APP: variants seen among roughly 807,000 people sequenced by gnomAD.
The protein encoded by APP is amyloid-beta precursor protein.
Under a neutral mutation model 101.4 loss-of-function variants are expected in APP, and 31 were observed. The ratio of observed to expected loss-of-function variants is 0.31; its 90% CI spans 0.23 to 0.41. APP has a LOEUF of 0.41. Ranked by LOEUF, APP falls within the 10% of genes least tolerant of loss-of-function variation. The probability of loss-of-function intolerance (pLI) is 1.00; values close to 1 mark genes in which losing one functional copy is unlikely to be tolerated. For synonymous variants in APP, 366 were observed against 364.4 expected (o/e 1.00, Z -0.05); for missense variants, 839 against 1,003.7 (o/e 0.84, Z 2.22).
At chr21:26,067,260 A>G (rs1423796002) in intron 3 of APP, among the ~76,000 whole-genome samples, 1 of 152,192 alleles carries the variant, frequency 6.6e-6, no homozygotes, top group African/African-American at 2.4e-5. Flanking sequence ...GACATTCTAC[A>G]TTTGTTTTTT....
chr21:26,129,351 A>C (rs2062746467), intron 1 of APP, among the ~76,000 whole-genome samples: 1 of 152,016 alleles, frequency 6.6e-6, no homozygotes, highest in African/African-American at 2.4e-5. Flanking sequence ...GCTGCCTGTA[A>C]TCCCAGCTAC....
chr21:25,894,824 T>C (rs57250872), intron 16 of APP, among the ~76,000 whole-genome samples: 11,548 of 152,274 alleles, frequency 0.076, 918 homozygotes, highest in African/African-American at 0.18. Flanking sequence ...TTGAAAGCTG[T>C]TCTACTGTGA....
intron 5 of APP, among the ~76,000 whole-genome samples, chr21:26,046,747 G>C (rs978556447): frequency 1.3e-5 from 2 of 152,096 alleles, no homozygotes; most frequent in Non-Finnish European, 2.9e-5. Context: ...CATTTCATTT[G>C]CTTTACGAAT....
intron 5 of APP, among the ~76,000 whole-genome samples, chr21:26,049,109 A>C (rs2045730006): frequency 6.6e-6 from 1 of 150,892 alleles, no homozygotes; most frequent in African/African-American, 2.5e-5. Flanking sequence ...AACAGGATTA[A>C]AAACACATAG....
At chr21:25,954,467 C>T (rs2041224305) in intron 13 of APP, 123 bp downstream of exon 13, 1 of 870,116 alleles carries the variant, frequency 1.1e-6, no homozygotes, top group Non-Finnish European at 1.9e-6. Flanking sequence ...CTGACAGTTT[C>T]ATCGTAAAAG....
intron 13 of APP, among the ~76,000 whole-genome samples, chr21:25,916,298 C>T (rs1450091826): frequency 6.6e-6 from 1 of 152,060 alleles, no homozygotes; most frequent in Non-Finnish European, 1.5e-5. Context: ...CTGCGCCTGG[C>T]CGTCAGTGTA....
chr21:25,897,026 C>A (rs923311551), intron 16 of APP, among the ~76,000 whole-genome samples: 1 of 152,182 alleles, frequency 6.6e-6, no homozygotes, highest in Non-Finnish European at 1.5e-5. Flanking sequence ...CAGTGGAAGT[C>A]AAAGTGGCTG....
At chr21:25,952,004 C>T (rs116776650) in intron 13 of APP, among the ~76,000 whole-genome samples, 1 of 152,122 alleles carries the variant, frequency 6.6e-6, no homozygotes, top group Admixed American at 6.5e-5. Flanking sequence ...GTACAGGGTT[C>T]GTTATTGCAA....
chr21:25,977,969 G>A (rs2042284262), intron 9 of APP, among the ~76,000 whole-genome samples: 1 of 152,150 alleles, frequency 6.6e-6, no homozygotes, highest in African/African-American at 2.4e-5. Context: ...CTTCAAGCAA[G>A]GAATCTCAAA....
intron 11 of APP, among the ~76,000 whole-genome samples, chr21:25,970,786 C>T (rs1033913392): frequency 7.2e-5 from 11 of 152,142 alleles, no homozygotes; most frequent in African/African-American, 1.9e-4. Flanking sequence ...GTGATATCAT[C>T]GGTAGAACAG....
rs193088516 is a variant in APP at position 26,092,661 on chromosome 21, C to T, written c.226-2589G>A. On this transcript the variant is annotated intron_variant, in intron 2 of 17. Transcript: ENST00000346798. Reference sequence around the variant, plus strand: ...AAATGTATACCGCCAAGAGTGAACCCTCAGGGAAACTATGGACTTTGGGTG... The same window carrying T: ...AAATGTATACCGCCAAGAGTGAACCTTCAGGGAAACTATGGACTTTGGGTG... Among the ~76,000 whole-genome samples the T allele has an allele frequency of 2.0e-5, 3 of 152,244 alleles. No homozygotes were observed. In the East Asian group the frequency reaches 5.8e-4, roughly 29 times the overall value.
At chr21:26,115,346 T>A (rs967758830) in intron 1 of APP, among the ~76,000 whole-genome samples, 1 of 152,178 alleles carries the variant, frequency 6.6e-6, no homozygotes, top group African/African-American at 2.4e-5. Flanking sequence ...CAACACCAGA[T>A]GTGTATATGG....
intron 14 of APP, among the ~76,000 whole-genome samples, chr21:25,907,726 C>T (rs1783016): frequency 0.19 from 29,166 of 152,124 alleles, 3,417 homozygotes; most frequent in South Asian, 0.3. Flanking sequence ...AACTATTAAC[C>T]GTGCTGCCTT....
intron 11 of APP, among the ~76,000 whole-genome samples, chr21:25,958,558 T>TGA (rs75140500): frequency 1 from 151,554 of 152,298 alleles, 75,405 homozygotes; most frequent in African/African-American, 1. Flanking sequence ...ATTACAGGCG[T>TGA]GCGACCAGTG....
intron 13 of APP, among the ~76,000 whole-genome samples, chr21:25,918,522 G>C (rs1354715053): frequency 2.0e-5 from 3 of 151,992 alleles, no homozygotes; most frequent in African/African-American, 7.2e-5. Flanking sequence ...CAGTGGGTGC[G>C]TGCACCGTGC....
At chr21:25,973,063 T>C (rs369535072) in intron 11 of APP, among the ~76,000 whole-genome samples, 3 of 151,538 alleles carry the variant, frequency 2.0e-5, no homozygotes, top group African/African-American at 7.3e-5. Flanking sequence ...TTATAACTTA[T>C]AAACCCACAA....
At chr21:25,945,207 G>A (rs2040754510) in intron 13 of APP, among the ~76,000 whole-genome samples, 1 of 152,150 alleles carries the variant, frequency 6.6e-6, no homozygotes, top group Admixed American at 6.5e-5. Flanking sequence ...ATGATAGCAT[G>A]CTAAATCAGT....
Position 26,124,707 on chromosome 21 carries a change from T to C in APP, c.58-12561A>G, listed in dbSNP as rs558888143. Among the ~76,000 whole-genome samples, 5 of 152,290 alleles carry C rather than the reference T, an allele frequency of 3.3e-5. No individual in the cohort carries two copies. In the East Asian group the frequency reaches 5.8e-4, roughly 18 times the overall value. ...ACTATGAGGAAGAGATAGAAACGGA[T>C]TGTTGATGGCTAAGCAAAACAGCAA... On this transcript the variant is annotated intron_variant, in intron 1 of 17. Transcript: ENST00000346798.
intron 3 of APP, among the ~76,000 whole-genome samples, chr21:26,073,677 T>G (rs1024803264): frequency 6.6e-6 from 1 of 152,158 alleles, no homozygotes; most frequent in Non-Finnish European, 1.5e-5. Flanking sequence ...ACTATTGAGA[T>G]GTGAAATTAA....
Sources: gnomAD v4.1 joint callset for allele counts (sites outside exome capture counted in the v4.1 genomes callset) on GRCh38, gnomAD v4.1.1 for gene constraint, MANE v1.5 for transcripts, NCBI Gene and HGNC (gene_info 2026-07-23, HGNC 2026-07-21) for gene names.